Variants in SH3BP4 observed in about 807,000 individuals in gnomAD.
SH3BP4 encodes the protein SH3 domain binding protein 4.
In SH3BP4, 33 loss-of-function variants were observed where a neutral mutation model predicts 65.5. The ratio of observed to expected loss-of-function variants is 0.50; its 90% confidence interval spans 0.38 to 0.67. The LOEUF (loss-of-function observed/expected upper bound fraction) is 0.67, where lower values mean the gene tolerates loss of function less well. SH3BP4 is among the 30% of genes least tolerant of loss of function. The pLI is 0.00. For missense variants in SH3BP4, 1,134 were observed against 1,261.4 expected (o/e 0.90, Z 1.53); for synonymous variants, 552 against 545.5 (o/e 1.01, Z -0.17).
chr2:234,969,705 G>C (rs914744633), intron 1 of SH3BP4, among the ~76,000 whole-genome samples: 2 of 152,180 alleles, frequency 1.3e-5, no homozygotes, highest in Admixed American at 6.5e-5. Flanking sequence ...CTCCTGCCCT[G>C]CCTCCTCTGG....
intron 2 of SH3BP4, among the ~76,000 whole-genome samples, chr2:235,022,656 C>T (rs1393715392): frequency 6.6e-6 from 1 of 152,162 alleles, no homozygotes; most frequent in Admixed American, 6.5e-5. Context: ...CAAGGCTTTT[C>T]TTGACCTGCT....
chr2:235,008,773 C>T (rs911094679), intron 2 of SH3BP4, among the ~76,000 whole-genome samples: 1 of 152,226 alleles, frequency 6.6e-6, no homozygotes, highest in African/African-American at 2.4e-5. Context: ...TCTATTTTAT[C>T]TCCACCTGGT....
In SH3BP4 at chr2:235,042,179, C is replaced by G; in HGVS notation, c.1410C>G (p.Ile470Met). 6.2e-7 allele frequency: 1 copy of G among 1,614,104 alleles called. No individual in the cohort carries two copies. The highest frequency in any genetic ancestry group is 8.5e-7 in the Non-Finnish European group (1 of 1,180,028). Residue 470 changes from isoleucine to methionine, a missense_variant, in exon 4 of 6, where the codon ATC (isoleucine) becomes ATG (methionine). Transcript: ENST00000392011. The surrounding 1 kb of genome is among the most constrained non-coding windows in gnomAD (Gnocchi z 7.3). ...ILYPSTVWDF[I>M]NKKVTVGLYG... ...ACCCTTCCACCGTGTGGGACTTCAT[C>G]AATAAAAAAGTCACAGTGGGTCTCT...
chr2:235,001,571 T>C (rs1694101343), intron 2 of SH3BP4, among the ~76,000 whole-genome samples: 2 of 152,230 alleles, frequency 1.3e-5, no homozygotes, highest in Admixed American at 1.3e-4. Flanking sequence ...CTTTGCTTGC[T>C]TACAGAACAG....
chr2:235,029,788 G>A lies in SH3BP4; in HGVS notation c.-132-5083G>A, dbSNP rs62186386. Reference sequence around the variant, plus strand: ...CACGGGTGCGGCACTCGGGATGGGCGAGTCGGATCTGAGGCTCTGGGCCGT... The same window carrying A: ...CACGGGTGCGGCACTCGGGATGGGCAAGTCGGATCTGAGGCTCTGGGCCGT... On this transcript the variant is annotated intron_variant, in intron 2 of 5. Transcript: ENST00000392011. Among the ~76,000 whole-genome samples, 999 of 152,268 alleles carry A rather than the reference G, an allele frequency of 6.6e-3. 4 individuals carry two copies. Among genetic ancestry groups the A allele is most frequent in the Non-Finnish European group, 0.011 (753 of 68,028 alleles).
At chr2:235,015,681 G>A (rs1239510628) in intron 2 of SH3BP4, among the ~76,000 whole-genome samples, 3 of 152,218 alleles carry the variant, frequency 2.0e-5, no homozygotes, top group African/African-American at 7.2e-5. Flanking sequence ...GAAAGAGGCT[G>A]TGGGCAGGTT....
In SH3BP4 at chr2:235,001,882, A is replaced by G. The variant is rs538002032; in HGVS notation, c.-133+6506A>G. Among the ~76,000 whole-genome samples the G allele has an allele frequency of 3.3e-5, 5 of 152,174 alleles. No homozygotes were observed. The East Asian group carries it at 9.7e-4, about 29-fold the overall frequency. ...TTTTTTGTTTTTTATTTTTTTTGAC[A>G]TGGAGTCTTACTCTGTTGTCCAGGC... On this transcript the variant is annotated intron_variant, in intron 2 of 5. Transcript: ENST00000392011.
intron 1 of SH3BP4, among the ~76,000 whole-genome samples, chr2:234,961,957 G>A (rs1460930403): frequency 6.6e-6 from 1 of 152,066 alleles, no homozygotes; most frequent in Non-Finnish European, 1.5e-5. Flanking sequence ...GTGTGGCTCT[G>A]GCAGGTAGCA....
chr2:235,042,783 C>A lies in SH3BP4; in HGVS notation c.2014C>A (p.His672Asn), dbSNP rs757141337. The A allele has an allele frequency of 8.1e-6, 13 of 1,614,166 alleles. No individual in the cohort carries two copies. Among genetic ancestry groups the A allele is most frequent in the Non-Finnish European group, 1.0e-5 (12 of 1,180,044 alleles). The part of the protein sequence containing the change: ...LKTVVRQNKN[H>N]YLLEYKKGDG... ...GACTGTGGTGCGGCAGAACAAGAACCACTACCTGCTGGAGTACAAGAAGGG... is the reference window on the plus strand; with the variant it reads ...GACTGTGGTGCGGCAGAACAAGAACAACTACCTGCTGGAGTACAAGAAGGG... The change falls in exon 4 of 6, where the codon CAC (histidine) becomes AAC (asparagine). Residue 672 changes from histidine to asparagine, a missense_variant. His to Asn is a moderately conservative substitution (Grantham distance 68). Transcript: ENST00000392011. The surrounding 1 kb of genome is among the most constrained non-coding windows in gnomAD (Gnocchi z 7.3).
At chr2:235,029,680 A>C (rs1035925024) in intron 2 of SH3BP4, among the ~76,000 whole-genome samples, 21 of 152,402 alleles carry the variant, frequency 1.4e-4, no homozygotes, top group Non-Finnish European at 5.9e-5. Context: ...GAAAGATAGC[A>C]TAATGAACCT....
intron 2 of SH3BP4, among the ~76,000 whole-genome samples, chr2:235,022,210 A>C (rs1240171862): frequency 6.6e-6 from 1 of 152,176 alleles, no homozygotes; most frequent in African/African-American, 2.4e-5. Flanking sequence ...TTTAGGATGT[A>C]ATTGAGCAGA....
chr2:235,034,212 G>A lies in SH3BP4; in HGVS notation c.-132-659G>A, dbSNP rs897573092. On this transcript the variant is annotated intron_variant, in intron 2 of 5. Transcript: ENST00000392011. This position sits in a 1 kb window ranked among gnomAD's most constrained non-coding sequence, Gnocchi z 6.2. ...GGGTGATTCTTGTGGTCTCTTCCAC[G>A]GAAAGATCTTTCCTGCTTAGTAACA... Among the ~76,000 whole-genome samples the A allele has an allele frequency of 5.9e-5, 9 of 152,118 alleles. No homozygotes were observed. Among genetic ancestry groups the A allele is most frequent in the African/African-American group, 1.9e-4 (8 of 41,434 alleles).
chr2:234,978,278 C>T lies in SH3BP4; in HGVS notation c.-206-17025C>T, dbSNP rs1048131182. ...CAGTCTGTTTCTATTTTGGCATTTCCTCACTGCACCTGGAGAAGAGCTTCA... is the reference window on the plus strand; with the variant it reads ...CAGTCTGTTTCTATTTTGGCATTTCTTCACTGCACCTGGAGAAGAGCTTCA... On this transcript the variant is annotated intron_variant, in intron 1 of 5. Transcript: ENST00000392011. The surrounding 1 kb of genome is among the most constrained non-coding windows in gnomAD (Gnocchi z 4.1). 6.6e-5 allele frequency among the ~76,000 whole-genome samples: 10 copies of T among 152,216 alleles called. No individual in the cohort carries two copies. Among genetic ancestry groups the T allele is most frequent in the African/African-American group, 2.4e-4 (10 of 41,470 alleles).
rs1693169618 is a variant in SH3BP4 at position 234,976,443 on chromosome 2, C to G, written c.-206-18860C>G. 6.6e-6 allele frequency among the ~76,000 whole-genome samples: 1 copy of G among 152,108 alleles called. No individual in the cohort carries two copies. The highest frequency in any genetic ancestry group is 1.5e-5 in the Non-Finnish European group (1 of 68,030). ...TAGGGGGTGACAGGGCCGGTGTGTA[C>G]CAGGTTAAGGTCTCTCTTGCATTTT... On this transcript the variant is annotated intron_variant, in intron 1 of 5. Coordinates refer to ENST00000392011, the MANE Select transcript of SH3BP4 (RefSeq NM_014521.3). The surrounding 1 kb of genome is among the most constrained non-coding windows in gnomAD (Gnocchi z 4.7).
intron 3 of SH3BP4, among the ~76,000 whole-genome samples, chr2:235,037,015 TAGAC>T (rs1695408747): frequency 6.6e-6 from 1 of 152,108 alleles, no homozygotes; most frequent in Non-Finnish European, 1.5e-5. Context: ...ATCCCAGTGA[TAGAC>T]AGACTTCAAG....
At chr2:235,053,197 C>A (rs952142824) in intron 5 of SH3BP4, among the ~76,000 whole-genome samples, 2 of 152,110 alleles carry the variant, frequency 1.3e-5, no homozygotes, top group African/African-American at 4.8e-5. Context: ...GTGGAGGGCA[C>A]CCTAGTAAGC....
intron 2 of SH3BP4, among the ~76,000 whole-genome samples, chr2:234,998,906 C>A (rs1336805329): frequency 1.3e-5 from 2 of 152,162 alleles, no homozygotes; most frequent in Non-Finnish European, 1.5e-5. Context: ...AGGTGTCCTG[C>A]AGGCACTGAT....
chr2:235,045,207 A>C lies in SH3BP4; in HGVS notation c.2478+1960A>C, dbSNP rs965788816. ...CCTCTGTGCGGGCGGCCCCGAGACCACAGCCGTGGCTGTGCATGCTGTCGT... is the reference window on the plus strand; with the variant it reads ...CCTCTGTGCGGGCGGCCCCGAGACCCCAGCCGTGGCTGTGCATGCTGTCGT... On this transcript the variant is annotated intron_variant, in intron 4 of 5. Coordinates refer to ENST00000392011, the MANE Select transcript of SH3BP4 (RefSeq NM_014521.3). This position sits in a 1 kb window ranked among gnomAD's most constrained non-coding sequence, Gnocchi z 4.3. Among the ~76,000 whole-genome samples, 9 of 152,254 alleles carry C rather than the reference A, an allele frequency of 5.9e-5. No individual in the cohort carries two copies. Among genetic ancestry groups the C allele is most frequent in the Admixed American group, 3.9e-4 (6 of 15,302 alleles).
intron 1 of SH3BP4, among the ~76,000 whole-genome samples, chr2:234,970,143 ACACT>A (rs1365854992): frequency 7.2e-5 from 11 of 151,980 alleles, no homozygotes; most frequent in African/African-American, 1.9e-4. Flanking sequence ...ACACACTCTC[ACACT>A]CACTCACACT....
Sources: allele counts gnomAD v4.1 joint callset (sites outside exome capture counted in the v4.1 genomes callset), GRCh38; gene constraint gnomAD v4.1.1; non-coding constraint Gnocchi (gnomAD v3.1); transcripts MANE v1.5; gene names NCBI Gene and HGNC (gene_info 2026-07-23, HGNC 2026-07-21).